MALRD1: variants seen among roughly 807,000 people sequenced by gnomAD.
MALRD1 encodes the protein MAM and LDL-receptor class A domain-containing protein 1.
A neutral mutation model predicts 242.1 loss-of-function variants in MALRD1; 247 were observed. That is an observed-to-expected ratio of 1.02 (90% confidence interval 0.92 to 1.13). The LOEUF is 1.13. Ranked by LOEUF, MALRD1 falls within the 50% of genes most tolerant of loss-of-function variation. MALRD1 has a pLI of 0.00. For synonymous variants in MALRD1, 995 were observed against 866.6 expected (o/e 1.15, Z -2.60); for missense variants, 2,989 against 2,533.1 (o/e 1.18, Z -3.86).
chr10:19,615,894 T>G lies in MALRD1; in HGVS notation c.6108T>G (p.Cys2036Trp), dbSNP rs1183185746. 2 of 1,532,706 alleles carry G rather than the reference T, an allele frequency of 1.3e-6. No individual in the cohort carries two copies. The highest frequency in any genetic ancestry group is 3.9e-5 in the Admixed American group (2 of 50,758). The allele number at this position is 1,532,706 out of a possible 1,614,324, so 94.9% of individuals were successfully genotyped here. A position where few individuals can be genotyped will look rare whatever the true frequency, so the allele number is the denominator to read the frequency against. Residue 2036 changes from cysteine (C) to tryptophan (W), a missense_variant, in exon 36 of 40, where the codon TGT becomes TGG. By Grantham distance (215) the Cys-to-Trp change is radical. Transcript: ENST00000454679. Reference protein sequence around the residue: ...PLNYCRNGGTCVVEKNGPMCR... With the variant: ...PLNYCRNGGTWVVEKNGPMCR... ...ATTACTGCAGAAATGGTGGGACTTGTGTAGTGGAGAAAAATGGTCCTATGT... is the reference window on the plus strand; with the variant it reads ...ATTACTGCAGAAATGGTGGGACTTGGGTAGTGGAGAAAAATGGTCCTATGT...
chr10:19,643,395 G>T (rs1004256029), intron 36 of MALRD1, among the ~76,000 whole-genome samples: 7 of 152,126 alleles, frequency 4.6e-5, no homozygotes, highest in African/African-American at 9.7e-5. Context: ...TCAGTGAGCC[G>T]AGACTGTGCC....
intron 28 of MALRD1, among the ~76,000 whole-genome samples, chr10:19,446,468 A>T (rs1290669379): frequency 1.3e-5 from 2 of 152,218 alleles, no homozygotes; most frequent in Non-Finnish European, 2.9e-5. Context: ...TTATTTGGGA[A>T]AAAGTTGTAT....
chr10:19,321,508 T>C (rs1289807684), intron 21 of MALRD1, among the ~76,000 whole-genome samples: 1 of 152,176 alleles, frequency 6.6e-6, no homozygotes, highest in African/African-American at 2.4e-5. Context: ...TGATGCATGA[T>C]AGATGTAAAT....
At chr10:19,242,756 C>A (rs1838848720) in intron 18 of MALRD1, among the ~76,000 whole-genome samples, 1 of 151,894 alleles carries the variant, frequency 6.6e-6, no homozygotes, top group Non-Finnish European at 1.5e-5. Flanking sequence ...CTCCTGCTTG[C>A]TTTTCATTTG....
chr10:19,095,828 G>A (rs1051248608), intron 4 of MALRD1, among the ~76,000 whole-genome samples: 1 of 152,224 alleles, frequency 6.6e-6, no homozygotes, highest in East Asian at 1.9e-4. Context: ...TCTCAACAAC[G>A]ACAACAAAAG....
intron 14 of MALRD1, among the ~76,000 whole-genome samples, chr10:19,176,493 G>A (rs1835251606): frequency 6.8e-6 from 1 of 147,696 alleles, no homozygotes; most frequent in South Asian, 2.1e-4. Flanking sequence ...TCCTGCCTCA[G>A]CCTCCCGAGT....
chr10:19,348,856 C>A (rs1158338517), intron 25 of MALRD1, among the ~76,000 whole-genome samples: 1 of 152,146 alleles, frequency 6.6e-6, no homozygotes, highest in Non-Finnish European at 1.5e-5. Context: ...AATACATTTA[C>A]AATAAGAAAT....
intron 18 of MALRD1, among the ~76,000 whole-genome samples, chr10:19,216,324 G>A (rs1208533957): frequency 5.3e-5 from 8 of 151,504 alleles, no homozygotes. Context: ...CACCATATTG[G>A]CCAGGCTGGT....
At chr10:19,446,069 C>G (rs768785069) in intron 28 of MALRD1, among the ~76,000 whole-genome samples, 2 of 152,120 alleles carry the variant, frequency 1.3e-5, no homozygotes, top group African/African-American at 4.8e-5. Flanking sequence ...GCTCTGTGGG[C>G]GTGGGACCCT....
chr10:19,366,683 TGGGTTGGTTCAAACCATTA>T (rs1845125880), intron 26 of MALRD1, among the ~76,000 whole-genome samples: 1 of 152,190 alleles, frequency 6.6e-6, no homozygotes, highest in African/African-American at 2.4e-5. Flanking sequence ...GATGAACATA[TGGGTTGGTTCAAACCATTA>T]GACCTTGTGC....
intron 18 of MALRD1, among the ~76,000 whole-genome samples, chr10:19,226,296 A>C (rs373255139): frequency 6.5e-4 from 99 of 152,248 alleles, no homozygotes; most frequent in African/African-American, 2.2e-3. Flanking sequence ...TAAATTAAAA[A>C]CTCCCAGCAA....
At chr10:19,102,071 C>CGTA (rs1554788906) in intron 4 of MALRD1, among the ~76,000 whole-genome samples, 6 of 88,220 alleles carry the variant, frequency 6.8e-5, no homozygotes, top group African/African-American at 2.7e-4. Flanking sequence ...ATAATTATAA[C>CGTA]ATATATATGG....
In MALRD1 at chr10:19,414,804, A is replaced by G. The variant is rs548103064; in HGVS notation, c.4845+25195A>G. Reference sequence around the variant, plus strand: ...AAATTTCCTGGACACCAGGCTAGCAATTTCATGGAGTTTCTTGCAAAATTT... The same window carrying G: ...AAATTTCCTGGACACCAGGCTAGCAGTTTCATGGAGTTTCTTGCAAAATTT... On this transcript the variant is annotated intron_variant, in intron 28 of 39. Transcript: ENST00000454679. Among the ~76,000 whole-genome samples, 5 of 144,356 alleles carry G rather than the reference A, an allele frequency of 3.5e-5. No homozygotes were observed. The South Asian group carries it at 6.7e-4, about 19-fold the overall frequency. The allele number at this position is 144,356 out of a possible 152,430, so 94.7% of individuals were successfully genotyped here. A position where few individuals can be genotyped will look rare whatever the true frequency, so the allele number is the denominator to read the frequency against.
At chr10:19,503,098 T>C (rs762419446) in intron 31 of MALRD1, among the ~76,000 whole-genome samples, 9 of 152,200 alleles carry the variant, frequency 5.9e-5, no homozygotes, top group Non-Finnish European at 1.3e-4. Context: ...TTATCCTCCT[T>C]GTTAATCACT....
At chr10:19,101,772 A>G (rs1423332355) in intron 4 of MALRD1, among the ~76,000 whole-genome samples, 1 of 135,870 alleles carries the variant, frequency 7.4e-6, no homozygotes, top group Non-Finnish European at 1.5e-5. Context: ...TATGTATATT[A>G]TATTATTATA....
Position 19,283,051 on chromosome 10 carries a change from C to T in MALRD1, c.3289C>T (p.Leu1097=), listed in dbSNP as rs1028938717. 18 of 1,547,870 alleles carry T rather than the reference C, an allele frequency of 1.2e-5. No individual in the cohort carries two copies. In the East Asian group the frequency reaches 3.9e-4, roughly 34 times the overall value. The part of the protein sequence containing the change: ...MEVCSFEKRS[L]CKWYQPIPVH... ...AGTTTGCAGCTTTGAGAAAAGAAGC[C>T]TGTGTAAATGGTATCAACCAATCCC... Residue 1097 remains leucine (L), a synonymous_variant, in exon 21 of 40, where the codon CTG becomes TTG. Transcript: ENST00000454679.
chr10:19,220,827 C>T (rs1588716748), intron 18 of MALRD1, among the ~76,000 whole-genome samples: 1 of 152,166 alleles, frequency 6.6e-6, no homozygotes, highest in Non-Finnish European at 1.5e-5. Flanking sequence ...AAAAACCCAG[C>T]TTATTCCAAC....
chr10:19,564,823 A>C (rs1324366675), intron 32 of MALRD1, among the ~76,000 whole-genome samples: 1 of 152,172 alleles, frequency 6.6e-6, no homozygotes. Flanking sequence ...GAGAGTTATC[A>C]CAAAGACACC....
chr10:19,329,720 A>G (rs1304712045), intron 23 of MALRD1, among the ~76,000 whole-genome samples: 3 of 152,188 alleles, frequency 2.0e-5, no homozygotes, highest in Non-Finnish European at 4.4e-5. Context: ...ATTGTCTACC[A>G]AATTTTAGAA....
Sources: gnomAD v4.1 joint callset for allele counts (sites outside exome capture counted in the v4.1 genomes callset) on GRCh38, gnomAD v4.1.1 for gene constraint, MANE v1.5 for transcripts, NCBI Gene and HGNC (gene_info 2026-07-23, HGNC 2026-07-21) for gene names.